The following CSMD1 variants were observed in gnomAD, a reference collection of about 807,000 sequenced individuals.
The protein encoded by CSMD1 is CUB and sushi domain-containing protein 1.
CSMD1 carries 213 observed loss-of-function variants against 417.5 expected under a neutral mutation model. The ratio of observed to expected loss-of-function variants is 0.51; its 90% confidence interval spans 0.46 to 0.57. The LOEUF (loss-of-function observed/expected upper bound fraction) is 0.57, where lower values mean the gene tolerates loss of function less well. CSMD1 is among the 20% of genes least tolerant of loss of function. The pLI, the probability that CSMD1 is intolerant of heterozygous loss-of-function variation, is 0.00. For missense variants in CSMD1, 6,923 were observed against 4,529.7 expected (o/e 1.53, Z -15.17); for synonymous variants, 2,862 against 1,736.8 (o/e 1.65, Z -16.11).
At chr8:4,738,563 A>G (rs930312793) in intron 1 of CSMD1, among the ~76,000 whole-genome samples, 1 of 152,174 alleles carries the variant, frequency 6.6e-6, no homozygotes, top group South Asian at 2.1e-4. Context: ...ACAATTCTAG[A>G]TAAGACTTGA....
chr8:3,825,985 C>T (rs13279782), intron 5 of CSMD1, among the ~76,000 whole-genome samples: 2,027 of 152,260 alleles, frequency 0.013, 18 homozygotes, highest in Middle Eastern at 0.034. Flanking sequence ...TCAGCAGGAT[C>T]GTATTCTTTA....
At chr8:3,645,491 G>T (rs1429422806) in intron 7 of CSMD1, among the ~76,000 whole-genome samples, 3 of 152,208 alleles carry the variant, frequency 2.0e-5, no homozygotes, top group African/African-American at 7.2e-5. Flanking sequence ...GACAGTGGAA[G>T]AAATGGGGAA....
At chr8:4,456,333 A>G (rs183273175) in intron 2 of CSMD1, among the ~76,000 whole-genome samples, 1 of 152,346 alleles carries the variant, frequency 6.6e-6, no homozygotes, top group African/African-American at 2.4e-5. Context: ...AAAATTAGTC[A>G]TAGAGCAGGA....
rs1554461217 is a variant in CSMD1 at position 4,732,344 on chromosome 8, C to CGCGTGT, written c.86-94787_86-94786insACACGC. Among the ~76,000 whole-genome samples the CGCGTGT allele has an allele frequency of 5.0e-5, 7 of 141,142 alleles. No individual in the cohort carries two copies. In the East Asian group the frequency reaches 8.5e-4, roughly 17 times the overall value. The allele number at this position is 141,142 out of a possible 152,430, so 92.6% of individuals were successfully genotyped here. A position where few individuals can be genotyped will look rare whatever the true frequency, so the allele number is the denominator to read the frequency against. On this transcript the variant is annotated intron_variant, in intron 1 of 69. Coordinates refer to ENST00000635120, the MANE Select transcript of CSMD1 (RefSeq NM_033225.6). ...AGTTAATAGATTTAAATTTCTTCTGCGTGTGTGTGTGTGTGTGTGTGTGTG... is the reference window on the plus strand; with the variant it reads ...AGTTAATAGATTTAAATTTCTTCTGCGCGTGTGTGTGTGTGTGTGTGTGTGTGTGTG...
chr8:3,034,926 T>G (rs1181145742), intron 50 of CSMD1, among the ~76,000 whole-genome samples: 3 of 152,124 alleles, frequency 2.0e-5, no homozygotes, highest in African/African-American at 7.2e-5. Flanking sequence ...AGCGGCACTG[T>G]GGAGAAAGGG....
intron 1 of CSMD1, among the ~76,000 whole-genome samples, chr8:4,914,450 C>G (rs60704227): frequency 0.07 from 10,603 of 151,804 alleles, 456 homozygotes; most frequent in African/African-American, 0.09. Flanking sequence ...AGGTGGCGGG[C>G]CCCTGTAGTC....
At chr8:4,458,118 TTC>T (rs72426701) in intron 2 of CSMD1, among the ~76,000 whole-genome samples, 3,944 of 152,252 alleles carry the variant, frequency 0.026, 175 homozygotes, top group African/African-American at 0.088. Flanking sequence ...ACATGAAACT[TTC>T]TGTGTTTAAA....
At chr8:4,745,991 T>C (rs116860910) in intron 1 of CSMD1, among the ~76,000 whole-genome samples, 6 of 152,226 alleles carry the variant, frequency 3.9e-5, no homozygotes, top group Non-Finnish European at 7.3e-5. Flanking sequence ...AATCAAGATA[T>C]GGTTTAGAAA....
intron 5 of CSMD1, among the ~76,000 whole-genome samples, chr8:3,964,603 T>A (rs995190882): frequency 6.6e-6 from 1 of 152,188 alleles, no homozygotes; most frequent in African/African-American, 2.4e-5. Context: ...TAAATCCCAA[T>A]TGTAATGTTT....
intron 5 of CSMD1, among the ~76,000 whole-genome samples, chr8:3,775,607 C>G (rs113637540): frequency 2.0e-5 from 3 of 152,082 alleles, no homozygotes; most frequent in Non-Finnish European, 4.4e-5. Context: ...CAGTAAAGTT[C>G]GTAAATTGTT....
At chr8:3,557,952 G>A (rs972948603) in intron 10 of CSMD1, among the ~76,000 whole-genome samples, 1 of 152,142 alleles carries the variant, frequency 6.6e-6, no homozygotes, top group African/African-American at 2.4e-5. Flanking sequence ...AAACATTGTG[G>A]AATGTGTGCT....
intron 1 of CSMD1, among the ~76,000 whole-genome samples, chr8:4,713,149 G>A (rs150454681): frequency 7.7e-4 from 118 of 152,280 alleles, no homozygotes; most frequent in African/African-American, 2.8e-3. Flanking sequence ...CTATTAAAAT[G>A]CAAATGTGTT....
chr8:3,956,402 G>A (rs1811949265), intron 5 of CSMD1, among the ~76,000 whole-genome samples: 1 of 152,280 alleles, frequency 6.6e-6, no homozygotes. Context: ...AAGCCCAGAA[G>A]TCTAACTGGA....
chr8:3,436,108 C>T (rs75095683), intron 12 of CSMD1, among the ~76,000 whole-genome samples: 3 of 152,134 alleles, frequency 2.0e-5, no homozygotes, highest in Non-Finnish European at 4.4e-5. Context: ...GGCTCCCTCA[C>T]TCTCCAGCCC....
intron 1 of CSMD1, among the ~76,000 whole-genome samples, chr8:4,823,464 T>A (rs930529070): frequency 2.4e-4 from 36 of 152,010 alleles, no homozygotes; most frequent in African/African-American, 8.7e-4. Flanking sequence ...ATGGGGTACT[T>A]AGGGCAACCG....
chr8:4,910,291 C>A (rs543248750), intron 1 of CSMD1, among the ~76,000 whole-genome samples: 1 of 152,196 alleles, frequency 6.6e-6, no homozygotes, highest in East Asian at 1.9e-4. Flanking sequence ...ACGCATATAT[C>A]TTGATTTATA....
intron 40 of CSMD1, among the ~76,000 whole-genome samples, chr8:3,146,719 G>A (rs145934434): frequency 9.2e-4 from 140 of 152,276 alleles, no homozygotes; most frequent in African/African-American, 3.0e-3. Context: ...GCAGGGTATA[G>A]AAAACAGCTG....
intron 37 of CSMD1, among the ~76,000 whole-genome samples, chr8:3,172,548 T>A (rs1160577530): frequency 6.6e-6 from 1 of 152,198 alleles, no homozygotes; most frequent in Admixed American, 6.5e-5. Context: ...TTGATCTTGT[T>A]GTCTGGTTGT....
intron 3 of CSMD1, among the ~76,000 whole-genome samples, chr8:4,297,191 G>T (rs1216945876): frequency 1.3e-5 from 2 of 151,974 alleles, no homozygotes; most frequent in Non-Finnish European, 2.9e-5. Context: ...ATCTAGAAAT[G>T]TATTTTTTTA....
Sources: allele counts gnomAD v4.1 joint callset (sites outside exome capture counted in the v4.1 genomes callset), GRCh38; gene constraint gnomAD v4.1.1; transcripts MANE v1.5; gene names NCBI Gene and HGNC (gene_info 2026-07-23, HGNC 2026-07-21).